LAMA3: variants seen among roughly 807,000 people sequenced by gnomAD.
LAMA3 encodes laminin subunit alpha 3, also known as laminin subunit alpha-3.
LAMA3 carries 281 observed loss-of-function variants against 402.0 expected under a neutral mutation model. That is an observed-to-expected ratio of 0.70 (90% CI 0.63 to 0.77). LAMA3 has a LOEUF of 0.77. Ranked by LOEUF, LAMA3 falls within the 30% of genes least tolerant of loss-of-function variation. The pLI, the probability that LAMA3 is intolerant of heterozygous loss-of-function variation, is 0.00. For missense variants in LAMA3, 3,840 were observed against 4,215.5 expected (o/e 0.91, Z 2.47); for synonymous variants, 1,431 against 1,558.4 (o/e 0.92, Z 1.93).
At chr18:23,753,911 C>A (rs1346741589) in intron 6 of LAMA3, 99 bp downstream of exon 6, 3 of 805,452 alleles carry the variant, frequency 3.7e-6, no homozygotes, top group Admixed American at 4.0e-5. Context: ...GGTTCCTGTC[C>A]TCAATAGGAA....
intron 7 of LAMA3, among the ~76,000 whole-genome samples, chr18:23,759,917 C>G (rs79556739): frequency 1.3e-5 from 2 of 152,086 alleles, no homozygotes; most frequent in Non-Finnish European, 1.5e-5. Context: ...CACAGCTAAT[C>G]GGTTCCTTCT....
intron 37 of LAMA3, among the ~76,000 whole-genome samples, chr18:23,868,137 T>C (rs1462985491): frequency 6.6e-6 from 1 of 152,082 alleles, no homozygotes; most frequent in African/African-American, 2.4e-5. Context: ...TCAAAGGAAA[T>C]GCTCACTGGA....
At chr18:23,729,201 T>C (rs1308368137) in intron 2 of LAMA3, among the ~76,000 whole-genome samples, 1 of 151,992 alleles carries the variant, frequency 6.6e-6, no homozygotes, top group East Asian at 1.9e-4. Context: ...AACTGAATTA[T>C]GACTGGAGTA....
intron 64 of LAMA3, among the ~76,000 whole-genome samples, chr18:23,929,516 G>A (rs2082101380): frequency 6.6e-6 from 1 of 151,628 alleles, no homozygotes; most frequent in South Asian, 2.1e-4. Flanking sequence ...GTAATATCAG[G>A]AAGGCCGCCC....
intron 12 of LAMA3, among the ~76,000 whole-genome samples, chr18:23,797,590 C>G (rs1425944305): frequency 6.6e-6 from 1 of 152,126 alleles, no homozygotes; most frequent in Non-Finnish European, 1.5e-5. Context: ...TGGCACATGC[C>G]TGTAATCCCA....
intron 3 of LAMA3, among the ~76,000 whole-genome samples, chr18:23,748,452 C>T (rs1204551708): frequency 6.7e-6 from 1 of 149,746 alleles, no homozygotes; most frequent in Non-Finnish European, 1.5e-5. Context: ...GAAAATTAAT[C>T]TCTCAGTATG....
intron 11 of LAMA3, among the ~76,000 whole-genome samples, chr18:23,782,345 C>T (rs892166183): frequency 9.2e-5 from 14 of 152,208 alleles, no homozygotes; most frequent in East Asian, 7.7e-4. Context: ...CACCTGAGGT[C>T]GGGAGTTTGA....
intron 8 of LAMA3, among the ~76,000 whole-genome samples, chr18:23,770,219 T>C (rs1023360401): frequency 5.3e-5 from 8 of 152,094 alleles, no homozygotes; most frequent in African/African-American, 9.6e-5. Flanking sequence ...CCATGAAAAA[T>C]TGACAATTTA....
chr18:23,874,678 G>A (rs1180206845), intron 38 of LAMA3, among the ~76,000 whole-genome samples: 1 of 152,212 alleles, frequency 6.6e-6, no homozygotes, highest in African/African-American at 2.4e-5. Flanking sequence ...TTATGGCCAT[G>A]AGTGAATAAG....
intron 14 of LAMA3, 111 bp from the exon 15 acceptor site, chr18:23,814,292 T>G: frequency 1.2e-6 from 1 of 810,494 alleles, no homozygotes; most frequent in Admixed American, 1.8e-5. Context: ...ATACACTTAA[T>G]TACTTTTCAT....
intron 6 of LAMA3, among the ~76,000 whole-genome samples, chr18:23,755,902 G>A (rs1031078820): frequency 6.6e-6 from 1 of 152,154 alleles, no homozygotes; most frequent in African/African-American, 2.4e-5. Context: ...ATCAGTCTGG[G>A]CTGCAACAGA....
intron 60 of LAMA3, among the ~76,000 whole-genome samples, chr18:23,919,723 C>A (rs117454208): frequency 0.11 from 17,269 of 151,954 alleles, 1,299 homozygotes; most frequent in Non-Finnish European, 0.17. Flanking sequence ...ACAGTGGCTG[C>A]GGGGCTGGAG....
intron 70 of LAMA3, among the ~76,000 whole-genome samples, chr18:23,948,107 C>T (rs73967641): frequency 0.02 from 3,007 of 152,178 alleles, 98 homozygotes; most frequent in African/African-American, 0.069. Context: ...CCACCGTGCC[C>T]GGCCCCTATT....
intron 18 of LAMA3, among the ~76,000 whole-genome samples, chr18:23,817,941 G>A (rs1191920248): frequency 6.6e-6 from 1 of 152,100 alleles, no homozygotes; most frequent in Non-Finnish European, 1.5e-5. Flanking sequence ...ATCACCTGAG[G>A]TCAGGAGTTC....
chr18:23,794,465 G>C (rs2062724334), intron 12 of LAMA3, among the ~76,000 whole-genome samples: 1 of 152,138 alleles, frequency 6.6e-6, no homozygotes, highest in African/African-American at 2.4e-5. Context: ...GCCAGCTGTG[G>C]GGAAAGAATG....
At chr18:23,849,983 A>T (rs2063907822) in intron 32 of LAMA3, among the ~76,000 whole-genome samples, 1 of 152,136 alleles carries the variant, frequency 6.6e-6, no homozygotes, top group Non-Finnish European at 1.5e-5. Flanking sequence ...GTAAATGCTG[A>T]AAAAGCTTTT....
chr18:23,932,492 G>A, intron 66 of LAMA3: 1 of 543,890 alleles, frequency 1.8e-6, no homozygotes, highest in South Asian at 2.1e-5. Context: ...GCCTCCTTTT[G>A]GAGGAGCAGC....
intron 24 of LAMA3, among the ~76,000 whole-genome samples, chr18:23,836,171 C>T (rs2063578421): frequency 6.6e-6 from 1 of 151,498 alleles, no homozygotes; most frequent in African/African-American, 2.4e-5. Flanking sequence ...AAGAAAACAA[C>T]AGTTTATTAA....
In LAMA3 at chr18:23,807,981, G is replaced by A. The variant is rs57811910; in HGVS notation, c.1604-2385G>A. On this transcript the variant is annotated intron_variant, in intron 12 of 74. Coordinates refer to ENST00000313654, the MANE Select transcript of LAMA3 (RefSeq NM_198129.4). ...TGAGAGAAGACAGGTGGAAATGGCA[G>A]TAGGAGATCTGAGTGTTTGTCCTTC... 3.7e-3 allele frequency among the ~76,000 whole-genome samples: 570 copies of A among 152,312 alleles called. 3 individuals are homozygous for A. Among genetic ancestry groups the A allele is most frequent in the African/African-American group, 0.013 (541 of 41,558 alleles).
Sources: gnomAD v4.1 joint callset for allele counts (sites outside exome capture counted in the v4.1 genomes callset) on GRCh38, gnomAD v4.1.1 for gene constraint, MANE v1.5 for transcripts, NCBI Gene and HGNC (gene_info 2026-07-23, HGNC 2026-07-21) for gene names.